Variants in STK3 observed in about 807,000 individuals in gnomAD.
STK3 encodes the protein serine/threonine-protein kinase 3.
In STK3, 41 loss-of-function variants were observed where a neutral mutation model predicts 58.0. That is an observed-to-expected ratio of 0.71 (90% CI 0.55 to 0.92). The LOEUF (loss-of-function observed/expected upper bound fraction) is 0.92. Among genes scored for constraint, STK3 ranks in the 40% least tolerant of loss-of-function variants. STK3 has a pLI of 0.00. For synonymous variants in STK3, 170 were observed against 191.0 expected, an observed-to-expected ratio of 0.89 and a Z score of 0.91; for missense variants, 479 against 602.7, an observed-to-expected ratio of 0.79 and a Z score of 2.15.
chr8:98,935,676 G>A (rs1489716376), intron 1 of STK3, among the ~76,000 whole-genome samples: 4 of 152,088 alleles, frequency 2.6e-5, no homozygotes, highest in Non-Finnish European at 5.9e-5. Flanking sequence ...AAGTCTTACT[G>A]TCAAAGCAGA....
chr8:98,769,016 G>C (rs1238109790), intron 2 of STK3, among the ~76,000 whole-genome samples: 1 of 152,128 alleles, frequency 6.6e-6, no homozygotes, highest in Non-Finnish European at 1.5e-5. Flanking sequence ...TGCTGACTTC[G>C]ACCTTCAACC....
chr8:98,741,479 C>T (rs1274299833), intron 4 of STK3, among the ~76,000 whole-genome samples: 1 of 152,158 alleles, frequency 6.6e-6, no homozygotes, highest in Non-Finnish European at 1.5e-5. Flanking sequence ...ACTGAACAAC[C>T]TGCTCCTGAA....
At chr8:98,497,741 G>A (rs775817782) in intron 10 of STK3, among the ~76,000 whole-genome samples, 1 of 152,226 alleles carries the variant, frequency 6.6e-6, no homozygotes, top group Non-Finnish European at 1.5e-5. Flanking sequence ...AAACCAGAAC[G>A]AGATACCACT....
intron 3 of STK3, among the ~76,000 whole-genome samples, chr8:98,405,987 A>G (rs1817989076): frequency 6.6e-6 from 1 of 152,146 alleles, no homozygotes; most frequent in African/African-American, 2.4e-5. Flanking sequence ...CAGACAAACC[A>G]TATCATAAGG....
chr8:98,479,486 CGGGGGGG>C (rs55853383), intron 10 of STK3, among the ~76,000 whole-genome samples: 1 of 16,686 alleles, frequency 6.0e-5, no homozygotes, highest in African/African-American at 4.5e-4. Context: ...CACTCCGTCT[CGGGGGGG>C]GGGGGGGGGC....
chr8:98,404,009 C>A (rs1280970132), intron 3 of STK3, among the ~76,000 whole-genome samples: 1 of 152,346 alleles, frequency 6.6e-6, no homozygotes, highest in Admixed American at 6.5e-5. Context: ...TCCTGGGTGG[C>A]AGGTCAAACC....
chr8:98,890,476 C>T (rs939756394), intron 1 of STK3, among the ~76,000 whole-genome samples: 1 of 152,098 alleles, frequency 6.6e-6, no homozygotes, highest in Non-Finnish European at 1.5e-5. Context: ...CTTGTCTGTG[C>T]GACAGCAAGC....
chr8:98,500,779 C>T (rs773435579), intron 10 of STK3, among the ~76,000 whole-genome samples: 39 of 152,110 alleles, frequency 2.6e-4, no homozygotes, highest in African/African-American at 7.5e-4. Context: ...ATGGTGTATA[C>T]GTGCCACATC....
intron 10 of STK3, among the ~76,000 whole-genome samples, chr8:98,521,376 C>T (rs1011885163): frequency 1.3e-5 from 2 of 152,164 alleles, no homozygotes; most frequent in South Asian, 4.1e-4. Context: ...CAAAATAGTA[C>T]TCTTCAATCT....
chr8:98,938,604 G>C (rs1840279286), intron 1 of STK3, among the ~76,000 whole-genome samples: 1 of 152,162 alleles, frequency 6.6e-6, no homozygotes, highest in Non-Finnish European at 1.5e-5. Context: ...AGGGGAACAT[G>C]TGAGTCAGTT....
At chr8:98,494,901 C>A (rs1823006885) in intron 10 of STK3, among the ~76,000 whole-genome samples, 1 of 152,150 alleles carries the variant, frequency 6.6e-6, no homozygotes, top group African/African-American at 2.4e-5. Context: ...TGTGAAGGGA[C>A]TGCTAAGAGA....
At chr8:98,440,237 G>T (rs1818641168) in intron 1 of STK3, among the ~76,000 whole-genome samples, 1 of 152,188 alleles carries the variant, frequency 6.6e-6, no homozygotes, top group East Asian at 1.9e-4. Flanking sequence ...CAGAGGCCCT[G>T]AGAGCCCCGG....
At chr8:98,751,282 G>C (rs1230148599) in intron 3 of STK3, among the ~76,000 whole-genome samples, 1 of 152,124 alleles carries the variant, frequency 6.6e-6, no homozygotes, top group African/African-American at 2.4e-5. Context: ...AAGAAATAAA[G>C]GTCATCCAAA....
chr8:98,548,065 T>C lies in STK3; in HGVS notation c.1045A>G (p.Thr349Ala), dbSNP rs1372946741. Residue 349 changes from threonine to alanine, a missense_variant, in exon 9 of 11, where the codon ACC (threonine) becomes GCC (alanine). By Grantham distance (58) the Thr-to-Ala change is moderately conservative. Around this residue, in one of 3 missense-constraint regions of STK3, gnomAD observed 309 missense variants for 355.7 expected, o/e 0.87. Coordinates refer to ENST00000419617, the MANE Select transcript of STK3 (RefSeq NM_006281.4). ...ATSTMSEGAQTMIEHNSTMLE... is the reference protein window; with the variant it reads ...ATSTMSEGAQAMIEHNSTMLE... ...ATCGTGCTATTATGTTCAATCATGG[T>C]CTGGGCCCCTTCACTCATCGTGCTT... 1 of 1,610,342 alleles carries C rather than the reference T, an allele frequency of 6.2e-7. No individual in the cohort carries two copies. Among genetic ancestry groups the C allele is most frequent in the Non-Finnish European group, 8.5e-7 (1 of 1,178,398 alleles).
Position 98,416,182 on chromosome 8 carries a change from A to G in STK3, n.484-14669T>C, listed in dbSNP as rs538028540. Among the ~76,000 whole-genome samples, 3 of 152,312 alleles carry G rather than the reference A, an allele frequency of 2.0e-5. No homozygotes were observed. The East Asian group carries it at 5.8e-4, about 29-fold the overall frequency. On this transcript the variant is annotated intron_variant and non_coding_transcript_variant, in intron 3 of 3. Transcript: ENST00000517832. Reference sequence around the variant, plus strand: ...AAGCCACGTGGTTCCTCCAAACTTAAGAGGGGCCAGGGAAATGTCATCCTT... The same window carrying G: ...AAGCCACGTGGTTCCTCCAAACTTAGGAGGGGCCAGGGAAATGTCATCCTT...
chr8:98,925,524 GC>G (rs1395632492), intron 1 of STK3, among the ~76,000 whole-genome samples: 2 of 152,184 alleles, frequency 1.3e-5, no homozygotes, highest in African/African-American at 4.8e-5. Flanking sequence ...TAATAGAGAT[GC>G]CAAATCCTTA....
At chr8:98,369,001 C>T (rs185162601), downstream of STK3, among the ~76,000 whole-genome samples, 18 of 152,310 alleles carry the variant, frequency 1.2e-4, no homozygotes, top group African/African-American at 3.8e-4. Context: ...CCAACTCTCT[C>T]GCTATTCCTG....
At chr8:98,407,744 G>C (rs1818010290) in intron 3 of STK3, among the ~76,000 whole-genome samples, 1 of 150,158 alleles carries the variant, frequency 6.7e-6, no homozygotes, top group African/African-American at 2.5e-5. Flanking sequence ...GTGTGTGTGT[G>C]TGTGTGTGTG....
At chr8:98,388,947 A>G (rs1309880897), upstream of STK3, among the ~76,000 whole-genome samples, 2 of 152,244 alleles carry the variant, frequency 1.3e-5, no homozygotes, top group Non-Finnish European at 1.5e-5. Context: ...AAAGTCATTG[A>G]ATGGCTCAGA....
Sources: allele counts gnomAD v4.1 joint callset (sites outside exome capture counted in the v4.1 genomes callset), GRCh38; gene constraint gnomAD v4.1.1; regional missense constraint gnomAD v4.1.1; transcripts MANE v1.5; gene names NCBI Gene and HGNC (gene_info 2026-07-23, HGNC 2026-07-21).